Variants in UTRN observed in about 807,000 individuals in gnomAD.
UTRN encodes the protein dystrophin-related protein 1.
In UTRN, 283 loss-of-function variants were observed where a neutral mutation model predicts 463.9. The observed-to-expected ratio is 0.61, with a 90% CI of 0.55 to 0.67. UTRN has a LOEUF of 0.67. Among genes scored for constraint, UTRN ranks in the 30% least tolerant of loss-of-function variants. UTRN has a pLI of 0.00. For synonymous variants in UTRN, 1,442 were observed against 1,431.5 expected, an observed-to-expected ratio of 1.01 and a Z score of -0.17; for missense variants, 3,922 against 4,084.3, an observed-to-expected ratio of 0.96 and a Z score of 1.08.
Position 144,490,116 on chromosome 6 carries a change from T to G in UTRN, c.4180T>G (p.Leu1394Val). 1 of 1,613,122 alleles carries G rather than the reference T, an allele frequency of 6.2e-7. No individual in the cohort carries two copies. Among genetic ancestry groups the G allele is most frequent in the South Asian group, 1.1e-5 (1 of 91,020 alleles). ...AGCCCATGAGCTAACCCTAGAGGAGTTGAGAAGAAATATGCGTTCTCAGCC... is the reference window on the plus strand; with the variant it reads ...AGCCCATGAGCTAACCCTAGAGGAGGTGAGAAGAAATATGCGTTCTCAGCC... Reference protein sequence around the residue: ...ISAHELTLEELRRNMRSQPLT... With the variant: ...ISAHELTLEEVRRNMRSQPLT... The change falls in exon 31 of 75, where the codon TTG becomes GTG. Residue 1394 changes from leucine (L) to valine (V), a missense_variant. By Grantham distance (32) the Leu-to-Val change is conservative. This residue lies in a region of UTRN where 2,349 missense variants were observed against 2,303.8 expected (regional missense o/e 1.02). Transcript: ENST00000367545.
At chr6:144,682,617 C>G (rs1392345926) in intron 52 of UTRN, among the ~76,000 whole-genome samples, 1 of 152,088 alleles carries the variant, frequency 6.6e-6, no homozygotes, top group African/African-American at 2.4e-5. Context: ...ACAAGGGTTC[C>G]TTTTTCTCCA....
chr6:144,490,906 C>A, intron 31 of UTRN, 23 bp from the exon 32 acceptor site: 1 of 1,553,584 alleles, frequency 6.4e-7, no homozygotes. Flanking sequence ...ATGGGAATTG[C>A]ATATTTTCAT....
chr6:144,788,873 A>G (rs917766674), intron 61 of UTRN, among the ~76,000 whole-genome samples: 5 of 152,078 alleles, frequency 3.3e-5, no homozygotes, highest in Non-Finnish European at 4.4e-5. Context: ...AATTCATAAT[A>G]TTTTTAAAGG....
intron 6 of UTRN, among the ~76,000 whole-genome samples, chr6:144,425,858 G>A (rs376997287): frequency 2.6e-5 from 4 of 152,144 alleles, no homozygotes; most frequent in African/African-American, 4.8e-5. Flanking sequence ...GAGTATAATC[G>A]TGATTGCAGT....
At chr6:144,763,977 A>G (rs1234254793) in intron 58 of UTRN, among the ~76,000 whole-genome samples, 1 of 152,194 alleles carries the variant, frequency 6.6e-6, no homozygotes, top group African/African-American at 2.4e-5. Context: ...ATCTCTTTCA[A>G]GAACTGGAGC....
chr6:144,699,487 T>C (rs1054644689), intron 52 of UTRN, among the ~76,000 whole-genome samples: 1 of 137,766 alleles, frequency 7.3e-6, no homozygotes, highest in Non-Finnish European at 1.6e-5. Context: ...TTTTTTTTTT[T>C]TTTTTTTTTT....
chr6:144,476,441 A>G (rs1046926423), intron 25 of UTRN, among the ~76,000 whole-genome samples: 4 of 152,100 alleles, frequency 2.6e-5, no homozygotes, highest in African/African-American at 9.7e-5. Context: ...TAAGGAAAGA[A>G]TTGGATGTGT....
chr6:144,685,261 T>A (rs1782630019), intron 52 of UTRN, among the ~76,000 whole-genome samples: 1 of 152,220 alleles, frequency 6.6e-6, no homozygotes, highest in African/African-American at 2.4e-5. Flanking sequence ...TACCACATGT[T>A]CCTTATCCAC....
intron 58 of UTRN, 143 bp downstream of exon 58, chr6:144,758,132 A>C: frequency 1.6e-6 from 1 of 610,656 alleles, no homozygotes. Context: ...AATATTAAAA[A>C]GAAACTACTT....
At chr6:144,377,896 T>G (rs918276636) in intron 2 of UTRN, among the ~76,000 whole-genome samples, 1 of 152,206 alleles carries the variant, frequency 6.6e-6, no homozygotes, top group Non-Finnish European at 1.5e-5. Flanking sequence ...CCTGTTTTTA[T>G]AAAACACTGA....
chr6:144,456,279 A>G (rs1020749060), intron 19 of UTRN, among the ~76,000 whole-genome samples: 2 of 152,180 alleles, frequency 1.3e-5, no homozygotes, highest in African/African-American at 4.8e-5. Flanking sequence ...ACCATAGCCA[A>G]TTCTGATAGG....
At chr6:144,820,484 TTGTGG>T (rs377355396) in intron 65 of UTRN, among the ~76,000 whole-genome samples, 77,724 of 151,896 alleles carry the variant, frequency 0.51, 22,673 homozygotes, top group East Asian at 0.9. Flanking sequence ...GTTAAAACCA[TTGTGG>T]TTAAAACCAC....
At position 144,462,653 on chromosome 6, in the gene UTRN, G is replaced by T. The variant is rs1789541820; in HGVS notation, c.2854-1G>T. On this transcript the variant is annotated splice_acceptor_variant, in intron 22 of 74. Transcript: ENST00000367545. LOFTEE classifies it high-confidence loss of function. ...TTTTAATCTTTTAAAACTTTTTCCA[G>T]ACCCTTGATGAAATCCTTGAGAATC... 1 of 1,595,466 alleles carries T rather than the reference G, an allele frequency of 6.3e-7. No individual in the cohort carries two copies. The highest frequency in any genetic ancestry group is 1.2e-5 in the South Asian group (1 of 86,440).
At chr6:144,480,307 T>A (rs1322704158) in intron 26 of UTRN, among the ~76,000 whole-genome samples, 1 of 152,140 alleles carries the variant, frequency 6.6e-6, no homozygotes, top group African/African-American at 2.4e-5. Flanking sequence ...CATTTTTTTT[T>A]AATTGGGGTA....
intron 51 of UTRN, among the ~76,000 whole-genome samples, chr6:144,671,565 C>T (rs980577273): frequency 2.0e-5 from 3 of 151,872 alleles, no homozygotes; most frequent in African/African-American, 7.3e-5. Context: ...TTTAGGTATA[C>T]AATCATGTCA....
chr6:144,400,363 C>T (rs538169058), intron 2 of UTRN, among the ~76,000 whole-genome samples: 2 of 152,272 alleles, frequency 1.3e-5, no homozygotes, highest in South Asian at 4.1e-4. Flanking sequence ...TGTGGAAGTT[C>T]TGTATAAATT....
intron 61 of UTRN, among the ~76,000 whole-genome samples, chr6:144,786,326 G>A (rs778264723): frequency 1.1e-4 from 17 of 152,016 alleles, no homozygotes; most frequent in South Asian, 2.1e-4. Flanking sequence ...TCACTCTGTC[G>A]CCAGGCTGGA....
rs943450371 is a variant in UTRN at position 144,748,112 on chromosome 6, C to T, written c.7940-134C>T. ...TGGAGAAATTCTTTCTTACCCTGGACAATTTTTACCCTGGAGTAATTTTTT... is the reference window on the plus strand; with the variant it reads ...TGGAGAAATTCTTTCTTACCCTGGATAATTTTTACCCTGGAGTAATTTTTT... On this transcript the variant is annotated intron_variant, in intron 54 of 74. Coordinates refer to ENST00000367545, the MANE Select transcript of UTRN (RefSeq NM_007124.3). 6 of 1,161,548 alleles carry T rather than the reference C, an allele frequency of 5.2e-6. No individual in the cohort carries two copies. In the African/African-American group the frequency reaches 7.8e-5, roughly 15 times the overall value. The allele number at this position is 1,161,548 out of a possible 1,614,324, so 72.0% of individuals were successfully genotyped here.
rs1242298885 is a variant in UTRN, at chr6:144,633,592, T to C, written c.7480-44814T>C. On this transcript the variant is annotated intron_variant, in intron 51 of 74. Transcript: ENST00000367545. ...CAGAAGTGTGGCATTGAATGATGTA[T>C]TGTTTTGTAGTGAGTACATTATCTC... Among the ~76,000 whole-genome samples, 6 of 152,238 alleles carry C rather than the reference T, an allele frequency of 3.9e-5. No homozygotes were observed. The East Asian group carries it at 1.2e-3, about 29-fold the overall frequency.
Sources: allele counts gnomAD v4.1 joint callset (sites outside exome capture counted in the v4.1 genomes callset), GRCh38; gene constraint gnomAD v4.1.1; regional missense constraint gnomAD v4.1.1; transcripts MANE v1.5; gene names NCBI Gene and HGNC (gene_info 2026-07-23, HGNC 2026-07-21).